Variants in HEATR5A observed in about 807,000 individuals in gnomAD.
The protein encoded by HEATR5A is HEAT repeat containing 5A, also known as HEAT repeat-containing protein 5A.
A neutral mutation model predicts 218.8 loss-of-function variants in HEATR5A; 178 were observed. That is an observed-to-expected ratio of 0.81 (90% confidence interval 0.72 to 0.92). HEATR5A has a LOEUF of 0.92. Among genes scored for constraint, HEATR5A ranks in the 40% least tolerant of loss-of-function variants. The pLI, the probability that HEATR5A is intolerant of heterozygous loss-of-function variation, is 0.00. For synonymous variants in HEATR5A, 864 were observed against 871.6 expected (o/e 0.99, Z 0.15); for missense variants, 2,420 against 2,418.9 (o/e 1.00, Z -0.01).
At chr14:31,377,484 A>G (rs28791187) in intron 11 of HEATR5A, among the ~76,000 whole-genome samples, 12,942 of 152,164 alleles carry the variant, frequency 0.085, 631 homozygotes, top group East Asian at 0.16. Flanking sequence ...AAAATTGATA[A>G]TAGCCTGGGT....
chr14:31,310,517 GT>G (rs1899710050), intron 28 of HEATR5A, among the ~76,000 whole-genome samples: 1 of 152,302 alleles, frequency 6.6e-6, no homozygotes, highest in African/African-American at 2.4e-5. Flanking sequence ...GTGCACGCCT[GT>G]AGTCCTAGCT....
intron 1 of HEATR5A, among the ~76,000 whole-genome samples, chr14:31,405,189 T>C (rs1486822794): frequency 6.6e-6 from 1 of 152,120 alleles, no homozygotes; most frequent in African/African-American, 2.4e-5. Flanking sequence ...ATCCCAGCAC[T>C]TTGGGAAGCC....
At chr14:31,317,792 G>A (rs995907180) in intron 26 of HEATR5A, among the ~76,000 whole-genome samples, 1 of 152,176 alleles carries the variant, frequency 6.6e-6, no homozygotes, top group African/African-American at 2.4e-5. Context: ...ATGTTGCTGG[G>A]ACTGTGGCAA....
chr14:31,408,639 T>C (rs2031163067), intron 1 of HEATR5A, among the ~76,000 whole-genome samples: 1 of 152,072 alleles, frequency 6.6e-6, no homozygotes, highest in Non-Finnish European at 1.5e-5. Context: ...AGTCTTCAAA[T>C]GTCAGACATA....
chr14:31,400,231 A>T, intron 3 of HEATR5A, 70 bp downstream of exon 3: 1 of 977,600 alleles, frequency 1.0e-6, no homozygotes, highest in Non-Finnish European at 1.5e-6. Context: ...GTCAAGTACT[A>T]TGGGTACTTC....
In HEATR5A at chr14:31,305,118, C is replaced by T. The variant is rs61754158; in HGVS notation, c.5026G>A (p.Gly1676Arg). The stretch of plus-strand genomic sequence containing the variant: ...AAAGACTTTCCAGGCACAAGTCCTC[C>T]GGTGTCCTTTCCCTCTCCAAACTCT... ...LPEFGEGKDT[G>R]GLVPGKSLVF... Residue 1676 changes from glycine to arginine, a missense_variant, in exon 32 of 36, where the codon GGA (glycine) becomes AGA (arginine). Physicochemically the swap from Gly to Arg is moderately radical, Grantham distance 125. Coordinates refer to ENST00000543095, the MANE Select transcript of HEATR5A (RefSeq NM_015473.4). 11,074 of 1,613,968 alleles carry T rather than the reference C, an allele frequency of 6.9e-3. 51 individuals are homozygous for T. Among genetic ancestry groups the T allele is most frequent in the Non-Finnish European group, 8.4e-3 (9,912 of 1,179,862 alleles).
chr14:31,331,219 C>A (rs1900458649), intron 22 of HEATR5A, among the ~76,000 whole-genome samples: 1 of 152,100 alleles, frequency 6.6e-6, no homozygotes, highest in Non-Finnish European at 1.5e-5. Flanking sequence ...GGACTACAGG[C>A]ATGAGCCACC....
chr14:31,350,654 C>G lies in HEATR5A; in HGVS notation c.2475G>C (p.Val825=). The G allele has an allele frequency of 1.9e-6, 3 of 1,602,456 alleles. No homozygotes were observed. Among genetic ancestry groups the G allele is most frequent in the Non-Finnish European group, 2.6e-6 (3 of 1,173,102 alleles). ...IKHTKGARQQ[V]VQLHVVSSVS... is the part of the protein sequence containing the mutation. ...CTGAAGAAACAACATGTAACTGAAC[C>G]ACTTGCTGACGAGCTCCTTTTGTGT... The change falls in exon 17 of 36, where the codon GTG becomes GTC. Residue 825 remains valine, a synonymous_variant. Coordinates refer to ENST00000543095, the MANE Select transcript of HEATR5A (RefSeq NM_015473.4).
chr14:31,351,140 C>T (rs1901212542), intron 16 of HEATR5A, among the ~76,000 whole-genome samples: 1 of 152,126 alleles, frequency 6.6e-6, no homozygotes, highest in African/African-American at 2.4e-5. Context: ...TAATTGTAAG[C>T]ATGAGAATGC....
At chr14:31,321,890 T>A (rs1900120031) in intron 24 of HEATR5A, among the ~76,000 whole-genome samples, 1 of 152,198 alleles carries the variant, frequency 6.6e-6, no homozygotes, top group Non-Finnish European at 1.5e-5. Flanking sequence ...CCAAAGCTAG[T>A]AAGTATATCC....
In HEATR5A at chr14:31,309,299, C is replaced by T. The variant is rs1159794068; in HGVS notation, c.4442-117G>A. The stretch of plus-strand genomic sequence containing the variant: ...CCGAAAGTTCCCTTGTACCCTTTTT[C>T]AGTCAGTTCCCTATACCCTAAGGCA... On this transcript the variant is annotated intron_variant, in intron 28 of 35. Coordinates refer to ENST00000543095, the MANE Select transcript of HEATR5A (RefSeq NM_015473.4). The T allele has an allele frequency of 3.6e-6, 4 of 1,116,522 alleles. No individual in the cohort carries two copies. In the East Asian group the frequency reaches 9.6e-5, roughly 27 times the overall value. The allele number at this position is 1,116,522 out of a possible 1,614,324, so 69.2% of individuals were successfully genotyped here.
intron 1 of HEATR5A, among the ~76,000 whole-genome samples, chr14:31,412,517 CA>C (rs34167257): frequency 0.96 from 129,285 of 135,112 alleles, 61,919 homozygotes; most frequent in Non-Finnish European, 0.99. Context: ...GACTCCATCT[CA>C]AAAAAAAAAA....
At chr14:31,315,043 C>T (rs1361739652) in intron 27 of HEATR5A, among the ~76,000 whole-genome samples, 36 of 152,070 alleles carry the variant, frequency 2.4e-4, no homozygotes, top group Non-Finnish European at 1.0e-4. Context: ...CGTGGTGATG[C>T]ATACCTGTAG....
chr14:31,358,431 T>C (rs904494940), intron 16 of HEATR5A, among the ~76,000 whole-genome samples: 1 of 152,226 alleles, frequency 6.6e-6, no homozygotes, highest in Non-Finnish European at 1.5e-5. Context: ...GTGAGCAAAG[T>C]ATTGTATCCA....
In HEATR5A at chr14:31,380,513, C is replaced by A; in HGVS notation, c.1662G>T (p.Gln554His). 6.2e-7 allele frequency: 1 copy of A among 1,609,324 alleles called. No individual in the cohort carries two copies. The highest frequency in any genetic ancestry group is 8.5e-7 in the Non-Finnish European group (1 of 1,177,824). Residue 554 changes from glutamine (Q) to histidine (H), a missense_variant, in exon 11 of 36, where the codon CAG (glutamine) becomes CAT (histidine). By Grantham distance (24) the Gln-to-His change is conservative (BLOSUM62 0). Coordinates refer to ENST00000543095, the MANE Select transcript of HEATR5A (RefSeq NM_015473.4). ...TCAGCAACCATCCAGCTTGTGTGCG[C>A]TGAGCTGAAAGGCGACTGTTTTGAG... Reference protein sequence around the residue: ...SAAQNSRLSAQRTQAGWLLIS... With the variant: ...SAAQNSRLSAHRTQAGWLLIS...
rs533567097 is a variant in HEATR5A at position 31,369,431 on chromosome 14, G to T, written c.1961+2379C>A. ...AGTTCAAAACCAGCCTGGCCAACAT[G>T]GCAAAATCCTGTCTCTATGAAAAAC... is the stretch of plus-strand genomic sequence containing the variant. On this transcript the variant is annotated intron_variant, in intron 13 of 35. Transcript: ENST00000543095. Among the ~76,000 whole-genome samples, 4 of 151,966 alleles carry T rather than the reference G, an allele frequency of 2.6e-5. No individual in the cohort carries two copies. In the South Asian group the frequency reaches 8.3e-4, roughly 32 times the overall value.
chr14:31,334,823 G>T (rs2139189116), intron 22 of HEATR5A, among the ~76,000 whole-genome samples: 1 of 151,752 alleles, frequency 6.6e-6, no homozygotes, highest in East Asian at 1.9e-4. Flanking sequence ...GTGGGCACCT[G>T]TAGTCCCAGC....
In HEATR5A at chr14:31,347,877, T is replaced by G; in HGVS notation, c.2739A>C (p.Arg913Ser). The G allele has an allele frequency of 6.4e-7, 1 of 1,557,950 alleles. No individual in the cohort carries two copies. Among genetic ancestry groups the G allele is most frequent in the South Asian group, 1.2e-5 (1 of 82,098 alleles). The change falls in exon 19 of 36, where the codon AGA becomes AGC. Residue 913 changes from arginine to serine, a missense_variant. Physicochemically the swap from Arg to Ser is moderately radical, Grantham distance 110. Coordinates refer to ENST00000543095, the MANE Select transcript of HEATR5A (RefSeq NM_015473.4). ...ACCCCAAGGCCAATGAGTGTCCTGTTCTGGTAACCACATCCCTTGCTGATT... is the reference window on the plus strand; with the variant it reads ...ACCCCAAGGCCAATGAGTGTCCTGTGCTGGTAACCACATCCCTTGCTGATT... The part of the protein sequence containing the change: ...KLKSARDVVT[R>S]TGHSLALGSL...
chr14:31,381,703 T>C (rs1337732720), intron 10 of HEATR5A, among the ~76,000 whole-genome samples: 1 of 152,168 alleles, frequency 6.6e-6, no homozygotes, highest in African/African-American at 2.4e-5. Flanking sequence ...GGAAGATTGC[T>C]TGAGCCCTGG....
Sources: allele counts gnomAD v4.1 joint callset (sites outside exome capture counted in the v4.1 genomes callset), GRCh38; gene constraint gnomAD v4.1.1; transcripts MANE v1.5; gene names NCBI Gene and HGNC (gene_info 2026-07-23, HGNC 2026-07-21).